TIMM13: variants seen among roughly 807,000 people sequenced by gnomAD.
The protein encoded by TIMM13 is mitochondrial import inner membrane translocase subunit Tim13.
Under a neutral mutation model 10.9 loss-of-function variants are expected in TIMM13, and 8 were observed. The observed-to-expected ratio is 0.73, with a 90% CI of 0.43 to 1.32. The LOEUF (loss-of-function observed/expected upper bound fraction) is 1.32, where lower values mean the gene tolerates loss of function less well. Among genes scored for constraint, TIMM13 ranks in the 40% most tolerant of loss-of-function variants. TIMM13 has a pLI of 0.01. For missense variants in TIMM13, 147 were observed against 132.8 expected (o/e 1.11, Z -0.53); for synonymous variants, 68 against 52.5 (o/e 1.30, Z -1.28).
rs1288330676 is a variant in TIMM13 at position 2,426,118 on chromosome 19, T to C, written c.*830A>G. 2 of 1,505,220 alleles carry C rather than the reference T, an allele frequency of 1.3e-6. No homozygotes were observed. The highest frequency in any genetic ancestry group is 2.4e-5 in the South Asian group (2 of 83,162). 93.2% of individuals were successfully genotyped at this position (1,505,220 alleles called of 1,614,324 possible). ...CACGTGACTGCCCAGGCCGAGACTC[T>C]ACGTGAAAGCAACAGGAGCAGCAGG... On this transcript the variant is annotated 3_prime_UTR_variant, in exon 3 of 3. Transcript: ENST00000215570.
chr19:2,426,166 G>A lies in TIMM13; in HGVS notation c.*782C>T, dbSNP rs1039861261. 5 of 1,213,736 alleles carry A rather than the reference G, an allele frequency of 4.1e-6. No homozygotes were observed. In the South Asian group the frequency reaches 4.8e-5, roughly 12 times the overall value. The allele number at this position is 1,213,736 out of a possible 1,614,324, so 75.2% of individuals were successfully genotyped here. Reference sequence around the variant, plus strand: ...AGGCCACCCAACACCCCACCCCACCGTACCCTACCCAAGGACGGGTGTGGG... The same window carrying A: ...AGGCCACCCAACACCCCACCCCACCATACCCTACCCAAGGACGGGTGTGGG... On this transcript the variant is annotated 3_prime_UTR_variant, in exon 3 of 3. Coordinates refer to ENST00000215570, the MANE Select transcript of TIMM13 (RefSeq NM_012458.4).
In TIMM13 at chr19:2,426,144, CCACCCAA is replaced by C; in HGVS notation, c.*797_*803del. 7.1e-7 allele frequency: 1 copy of C among 1,417,486 alleles called. No homozygotes were observed. The highest frequency in any genetic ancestry group is 1.3e-5 in the South Asian group (1 of 74,210). 87.8% of individuals were successfully genotyped at this position (1,417,486 alleles called of 1,614,324 possible). A position where few individuals can be genotyped will look rare whatever the true frequency, so the allele number is the denominator to read the frequency against. On this transcript the variant is annotated 3_prime_UTR_variant, in exon 3 of 3. Coordinates refer to ENST00000215570, the MANE Select transcript of TIMM13 (RefSeq NM_012458.4). Reference sequence around the variant, plus strand: ...ACGTGAAAGCAACAGGAGCAGCAGGCCACCCAACACCCCACCCCACCGTACCCTACCC... The same window carrying C: ...ACGTGAAAGCAACAGGAGCAGCAGGCCACCCCACCCCACCGTACCCTACCC...
rs751356096 is a variant in TIMM13 at position 2,425,885 on chromosome 19, G to T, written c.*1063C>A. Reference sequence around the variant, plus strand: ...CAATGACCCAAGGGCTGCTGTAGGGGAGGTACCGGCCTCTGAACCCCCTTT... The same window carrying T: ...CAATGACCCAAGGGCTGCTGTAGGGTAGGTACCGGCCTCTGAACCCCCTTT... On this transcript the variant is annotated 3_prime_UTR_variant, in exon 3 of 3. Coordinates refer to ENST00000215570, the MANE Select transcript of TIMM13 (RefSeq NM_012458.4). 1.9e-6 allele frequency: 3 copies of T among 1,546,450 alleles called. No homozygotes were observed. Among genetic ancestry groups the T allele is most frequent in the Non-Finnish European group, 2.6e-6 (3 of 1,153,890 alleles).
rs755211126 is a variant in TIMM13 at position 2,425,888 on chromosome 19, G to A, written c.*1060C>T. The A allele has an allele frequency of 1.3e-6, 2 of 1,552,390 alleles. No homozygotes were observed. Among genetic ancestry groups the A allele is most frequent in the South Asian group, 2.4e-5 (2 of 82,664 alleles). ...TGACCCAAGGGCTGCTGTAGGGGAG[G>A]TACCGGCCTCTGAACCCCCTTTCTT... On this transcript the variant is annotated 3_prime_UTR_variant, in exon 3 of 3. Coordinates refer to ENST00000215570, the MANE Select transcript of TIMM13 (RefSeq NM_012458.4).
At position 2,426,828 on chromosome 19, in the gene TIMM13, G is replaced by C; in HGVS notation, c.*120C>G. ...CGGGGGGTGGCGAGGACACAGTCCC[G>C]TGTGTCCCAGCACCGGTGCCACCCT... On this transcript the variant is annotated 3_prime_UTR_variant, in exon 3 of 3. Coordinates refer to ENST00000215570, the MANE Select transcript of TIMM13 (RefSeq NM_012458.4). 1.0e-6 allele frequency: 1 copy of C among 980,826 alleles called. No homozygotes were observed. Among genetic ancestry groups the C allele is most frequent in the African/African-American group, 1.6e-5 (1 of 62,808 alleles). The allele number at this position is 980,826 out of a possible 1,614,324, so 60.8% of individuals were successfully genotyped here.
Position 2,426,598 on chromosome 19 carries a change from G to A in TIMM13, c.*350C>T, listed in dbSNP as rs1210277300. 5.0e-6 allele frequency: 2 copies of A among 397,582 alleles called. No individual in the cohort carries two copies. The highest frequency in any genetic ancestry group is 9.2e-6 in the Non-Finnish European group (2 of 217,840). The allele number at this position is 397,582 out of a possible 1,614,324, so 24.6% of individuals were successfully genotyped here. A position where few individuals can be genotyped will look rare whatever the true frequency, so the allele number is the denominator to read the frequency against. The stretch of plus-strand genomic sequence containing the variant: ...CCACCAATTTATTTGCCCATCCGCA[G>A]GAGGTGACAGCTCCTGTGGTGTCTG... On this transcript the variant is annotated 3_prime_UTR_variant, in exon 3 of 3. Transcript: ENST00000215570.
Position 2,426,959 on chromosome 19 carries a change from C to T in TIMM13, c.277G>A (p.Ala93Thr), listed in dbSNP as rs750129839. 6.3e-7 allele frequency: 1 copy of T among 1,595,302 alleles called. No homozygotes were observed. Among genetic ancestry groups the T allele is most frequent in the African/African-American group, 1.3e-5 (1 of 74,528 alleles). ...AYNSRLQRER[A>T]NM is the part of the protein sequence containing the mutation. ...CCCGCGCTCGCCGGTCACATGTTGG[C>T]TCGTTCCCGCTGCAGCCGCGAGTTG... Residue 93 changes from alanine to threonine, a missense_variant, in exon 3 of 3, where the codon GCC (alanine) becomes ACC (threonine). Ala to Thr is a moderately conservative substitution (Grantham distance 58). Transcript: ENST00000215570.
At chr19:2,427,123 C>A in intron 2 of TIMM13, 77 bp from the exon 3 acceptor site, 1 of 1,573,484 alleles carries the variant, frequency 6.4e-7, no homozygotes, top group Non-Finnish European at 8.7e-7. Context: ...GGCTCCAGGA[C>A]GCCCGGGCTG....
In TIMM13 at chr19:2,425,725, G is replaced by C. The variant is rs1971606934; in HGVS notation, c.*1223C>G. 1 of 1,155,014 alleles carries C rather than the reference G, an allele frequency of 8.7e-7. No homozygotes were observed. Among genetic ancestry groups the C allele is most frequent in the Non-Finnish European group, 1.2e-6 (1 of 855,468 alleles). 71.5% of individuals were successfully genotyped at this position (1,155,014 alleles called of 1,614,324 possible). A position where few individuals can be genotyped will look rare whatever the true frequency, so the allele number is the denominator to read the frequency against. ...GGCGGCAGAGCAGGCAGAGGCTGCA[G>C]TGGGAGGCACCGTTCCACTCCGGGA... On this transcript the variant is annotated 3_prime_UTR_variant, in exon 3 of 3. Transcript: ENST00000215570.
rs1049372663 is a variant in TIMM13, at chr19:2,426,154, C to A, written c.*794G>T. 1 of 1,370,408 alleles carries A rather than the reference C, an allele frequency of 7.3e-7. No homozygotes were observed. Among genetic ancestry groups the A allele is most frequent in the South Asian group, 1.4e-5 (1 of 71,762 alleles). The allele number at this position is 1,370,408 out of a possible 1,614,324, so 84.9% of individuals were successfully genotyped here. On this transcript the variant is annotated 3_prime_UTR_variant, in exon 3 of 3. Coordinates refer to ENST00000215570, the MANE Select transcript of TIMM13 (RefSeq NM_012458.4). ...AACAGGAGCAGCAGGCCACCCAACACCCCACCCCACCGTACCCTACCCAAG... is the reference window on the plus strand; with the variant it reads ...AACAGGAGCAGCAGGCCACCCAACAACCCACCCCACCGTACCCTACCCAAG...
At position 2,425,758 on chromosome 19, in the gene TIMM13, G is replaced by A. The variant is rs1393179249; in HGVS notation, c.*1190C>T. The A allele has an allele frequency of 1.7e-6, 2 of 1,174,522 alleles. No homozygotes were observed. The highest frequency in any genetic ancestry group is 3.2e-5 in the African/African-American group (2 of 63,458). 72.8% of individuals were successfully genotyped at this position (1,174,522 alleles called of 1,614,324 possible). A position where few individuals can be genotyped will look rare whatever the true frequency, so the allele number is the denominator to read the frequency against. Reference sequence around the variant, plus strand: ...CACCGTTCCACTCCGGGACCACGTGGCGGGTGTCCATAAATGTCTGCCACC... The same window carrying A: ...CACCGTTCCACTCCGGGACCACGTGACGGGTGTCCATAAATGTCTGCCACC... On this transcript the variant is annotated 3_prime_UTR_variant, in exon 3 of 3. Transcript: ENST00000215570.
At position 2,426,231 on chromosome 19, in the gene TIMM13, T is replaced by C; in HGVS notation, c.*717A>G. ...TGGGGATGCATTTTGGTACCACCCT[T>C]TGTTCCAATAAACACAGCCCCTCCA... is the stretch of plus-strand genomic sequence containing the variant. On this transcript the variant is annotated 3_prime_UTR_variant, in exon 3 of 3. Coordinates refer to ENST00000215570, the MANE Select transcript of TIMM13 (RefSeq NM_012458.4). 1.1e-6 allele frequency: 1 copy of C among 932,724 alleles called. No individual in the cohort carries two copies. The highest frequency in any genetic ancestry group is 3.0e-5 in the East Asian group (1 of 33,256). 57.8% of individuals were successfully genotyped at this position (932,724 alleles called of 1,614,324 possible).
In TIMM13 at chr19:2,427,011, G is replaced by A. The variant is rs774400755; in HGVS notation, c.225C>T (p.Asp75=). ...CIAMCMDRYM[D]AWNTVSRAYN... Reference sequence around the variant, plus strand: ...AGGCGCGAGACACGGTGTTCCAGGCGTCCATGTAGCGGTCCATGCACATGG... The same window carrying A: ...AGGCGCGAGACACGGTGTTCCAGGCATCCATGTAGCGGTCCATGCACATGG... The change falls in exon 3 of 3, where the codon GAC becomes GAT. Residue 75 remains aspartate (D), a synonymous_variant. Coordinates refer to ENST00000215570, the MANE Select transcript of TIMM13 (RefSeq NM_012458.4). 6.2e-6 allele frequency: 10 copies of A among 1,609,224 alleles called. No individual in the cohort carries two copies. Among genetic ancestry groups the A allele is most frequent in the Non-Finnish European group, 8.5e-6 (10 of 1,178,510 alleles).
chr19:2,427,360 G>A, intron 1 of TIMM13, 36 bp from the exon 2 acceptor site: 1 of 1,612,330 alleles, frequency 6.2e-7, no homozygotes, highest in Non-Finnish European at 8.5e-7. Flanking sequence ...CGCGACGTCG[G>A]CCCCCAGGGG....
Position 2,426,421 on chromosome 19 carries a change from C to T in TIMM13, c.*527G>A, listed in dbSNP as rs960425085. 10 of 317,970 alleles carry T rather than the reference C, an allele frequency of 3.1e-5. No individual in the cohort carries two copies. Among genetic ancestry groups the T allele is most frequent in the African/African-American group, 4.5e-5 (2 of 44,664 alleles). The allele number at this position is 317,970 out of a possible 1,614,324, so 19.7% of individuals were successfully genotyped here. ...GGGGTGGCAGCAGCAACACATTCCT[C>T]GTGACTCAGCAGCCCGGTGGCACTA... On this transcript the variant is annotated 3_prime_UTR_variant, in exon 3 of 3. Coordinates refer to ENST00000215570, the MANE Select transcript of TIMM13 (RefSeq NM_012458.4).
Position 2,426,465 on chromosome 19 carries a change from T to TCCCAA in TIMM13, c.*478_*482dup. ...GGCACTAAGGGGAAAGATGGACTTC[T>TCCCAA]CCCAACCCAGGGGAGGCTGAGACCC... On this transcript the variant is annotated 3_prime_UTR_variant, in exon 3 of 3. Transcript: ENST00000215570. 1 of 286,516 alleles carries TCCCAA rather than the reference T, an allele frequency of 3.5e-6. No homozygotes were observed. The highest frequency in any genetic ancestry group is 6.6e-6 in the Non-Finnish European group (1 of 151,176). 17.7% of individuals were successfully genotyped at this position (286,516 alleles called of 1,614,324 possible).
rs1599324657 is a variant in TIMM13, at chr19:2,426,162, C to CACCGT, written c.*781_*785dup. On this transcript the variant is annotated 3_prime_UTR_variant, in exon 3 of 3. Coordinates refer to ENST00000215570, the MANE Select transcript of TIMM13 (RefSeq NM_012458.4). ...CAGCAGGCCACCCAACACCCCACCCCACCGTACCCTACCCAAGGACGGGTG... is the reference window on the plus strand; with the variant it reads ...CAGCAGGCCACCCAACACCCCACCCCACCGTACCGTACCCTACCCAAGGACGGGTG... 7.8e-7 allele frequency: 1 copy of CACCGT among 1,274,766 alleles called. No individual in the cohort carries two copies. Among genetic ancestry groups the CACCGT allele is most frequent in the Non-Finnish European group, 1.0e-6 (1 of 994,926 alleles). The allele number at this position is 1,274,766 out of a possible 1,614,324, so 79.0% of individuals were successfully genotyped here.
At position 2,426,021 on chromosome 19, in the gene TIMM13, A is replaced by C. The variant is rs140960972; in HGVS notation, c.*927T>G. 394 of 1,607,628 alleles carry C rather than the reference A, an allele frequency of 2.5e-4. No homozygotes were observed. The highest frequency in any genetic ancestry group is 3.2e-4 in the Non-Finnish European group (377 of 1,177,902). On this transcript the variant is annotated 3_prime_UTR_variant, in exon 3 of 3. Coordinates refer to ENST00000215570, the MANE Select transcript of TIMM13 (RefSeq NM_012458.4). ...TGGGGCTATGGCTGTGGCCGGCCCC[A>C]CTTCCCAGGTGTCTATACCCGGGTG...
At position 2,426,850 on chromosome 19, in the gene TIMM13, CCCT is replaced by C. The variant is rs1971650468; in HGVS notation, c.*95_*97del. 8.2e-7 allele frequency: 1 copy of C among 1,224,090 alleles called. No homozygotes were observed. The allele number at this position is 1,224,090 out of a possible 1,614,324, so 75.8% of individuals were successfully genotyped here. On this transcript the variant is annotated 3_prime_UTR_variant, in exon 3 of 3. Transcript: ENST00000215570. The stretch of plus-strand genomic sequence containing the variant: ...CCCGTGTGTCCCAGCACCGGTGCCA[CCCT>C]CCTAAGCCCCGGGCAGGCAGTACGT...
Sources: gnomAD v4.1 joint callset for allele counts on GRCh38, gnomAD v4.1.1 for gene constraint, MANE v1.5 for transcripts, NCBI Gene and HGNC (gene_info 2026-07-23, HGNC 2026-07-21) for gene names.